KIF16B: variants seen among roughly 807,000 people sequenced by gnomAD.
The protein encoded by KIF16B is kinesin family member 16B.
In KIF16B, 98 loss-of-function variants were observed where a neutral mutation model predicts 156.3. The ratio of observed to expected loss-of-function variants is 0.63; its 90% CI spans 0.53 to 0.74. The LOEUF (loss-of-function observed/expected upper bound fraction) is 0.74, where lower values mean the gene tolerates loss of function less well. Ranked by LOEUF, KIF16B falls within the 30% of genes least tolerant of loss-of-function variation. KIF16B has a pLI of 0.00. For synonymous variants in KIF16B, 564 were observed against 583.7 expected, an observed-to-expected ratio of 0.97 and a Z score of 0.49; for missense variants, 1,421 against 1,606.5, an observed-to-expected ratio of 0.88 and a Z score of 1.97.
At chr20:16,405,921 T>C (rs1426957786) in intron 16 of KIF16B, among the ~76,000 whole-genome samples, 1 of 152,086 alleles carries the variant, frequency 6.6e-6, no homozygotes, top group Non-Finnish European at 1.5e-5. Context: ...AGACGTCCCC[T>C]TCCAACCAAA....
At chr20:16,448,766 G>A (rs551296244) in intron 12 of KIF16B, among the ~76,000 whole-genome samples, 61 of 152,216 alleles carry the variant, frequency 4.0e-4, no homozygotes, top group African/African-American at 1.3e-3. Context: ...GCAAAATAAA[G>A]GGAACAGCAT....
chr20:16,493,679 T>C (rs1189312140), intron 12 of KIF16B, among the ~76,000 whole-genome samples: 3 of 152,218 alleles, frequency 2.0e-5, no homozygotes, highest in African/African-American at 7.2e-5. Flanking sequence ...ACAGAGGTTG[T>C]CTGCCAACTC....
rs145861338 is a variant in KIF16B at position 16,436,165 on chromosome 20, G to A, written c.1303-6183C>T. 6.6e-5 allele frequency among the ~76,000 whole-genome samples: 10 copies of A among 151,962 alleles called. No homozygotes were observed. In the East Asian group the frequency reaches 1.5e-3, roughly 23 times the overall value. On this transcript the variant is annotated intron_variant, in intron 12 of 25. Coordinates refer to ENST00000354981, the MANE Select transcript of KIF16B (RefSeq NM_024704.5). Reference sequence around the variant, plus strand: ...TTTTTCATCTCGTATATGCTTAGGCGTATCTGTGCAAATATTCCATGTGCC... The same window carrying A: ...TTTTTCATCTCGTATATGCTTAGGCATATCTGTGCAAATATTCCATGTGCC...
chr20:16,565,798 G>A (rs949798937), intron 1 of KIF16B, among the ~76,000 whole-genome samples: 4 of 152,082 alleles, frequency 2.6e-5, no homozygotes, highest in African/African-American at 4.8e-5. Context: ...ACCCCAACCC[G>A]CGTAGGGCCA....
intron 19 of KIF16B, among the ~76,000 whole-genome samples, chr20:16,375,896 T>G (rs1442608709): frequency 1.3e-5 from 2 of 152,106 alleles, no homozygotes; most frequent in African/African-American, 4.8e-5. Flanking sequence ...CCTTCCCGTG[T>G]GGCAGATACA....
At chr20:16,560,757 C>G (rs1016588806) in intron 1 of KIF16B, among the ~76,000 whole-genome samples, 1 of 151,812 alleles carries the variant, frequency 6.6e-6, no homozygotes, top group Non-Finnish European at 1.5e-5. Flanking sequence ...TGCACTCAAG[C>G]CTGGGTGACA....
chr20:16,413,014 TCA>T (rs1469636899), intron 15 of KIF16B, among the ~76,000 whole-genome samples: 1 of 152,040 alleles, frequency 6.6e-6, no homozygotes, highest in Non-Finnish European at 1.5e-5. Context: ...TCTCCAGAAT[TCA>T]GTTTCCTCAT....
intron 17 of KIF16B, among the ~76,000 whole-genome samples, chr20:16,402,051 T>G (rs2065669354): frequency 6.6e-6 from 1 of 152,090 alleles, no homozygotes; most frequent in South Asian, 2.1e-4. Context: ...CCTCCCTCAC[T>G]TGTACCACTC....
chr20:16,536,133 C>T (rs76415385), intron 1 of KIF16B, among the ~76,000 whole-genome samples: 2,062 of 152,240 alleles, frequency 0.014, 45 homozygotes, highest in African/African-American at 0.046. Context: ...AGTATATACA[C>T]ACACTATGGA....
intron 22 of KIF16B, among the ~76,000 whole-genome samples, chr20:16,362,734 T>C (rs962404257): frequency 6.6e-6 from 1 of 152,166 alleles, no homozygotes; most frequent in African/African-American, 2.4e-5. Flanking sequence ...GAAATGGAGT[T>C]CCACGTGAAT....
chr20:16,323,486 G>A (rs370164437), intron 24 of KIF16B, among the ~76,000 whole-genome samples: 1 of 152,108 alleles, frequency 6.6e-6, no homozygotes, highest in East Asian at 1.9e-4. Context: ...GGCCTTATAA[G>A]AAGAGCTGTC....
rs184320742 is a variant in KIF16B, at chr20:16,443,890, A to T, written c.1303-13908T>A. 1.2e-3 allele frequency among the ~76,000 whole-genome samples: 188 copies of T among 152,386 alleles called. 2 individuals are homozygous for T. The highest frequency in any genetic ancestry group is 9.0e-3 in the Admixed American group (138 of 15,300). Reference sequence around the variant, plus strand: ...GCTAAGGTTATAGAACTTGTCAAGGAAATGTGAAGTTCAAGATACAAAATA... The same window carrying T: ...GCTAAGGTTATAGAACTTGTCAAGGTAATGTGAAGTTCAAGATACAAAATA... On this transcript the variant is annotated intron_variant, in intron 12 of 25. Coordinates refer to ENST00000354981, the MANE Select transcript of KIF16B (RefSeq NM_024704.5).
At chr20:16,359,720 C>T (rs940375347) in intron 22 of KIF16B, among the ~76,000 whole-genome samples, 8 of 151,210 alleles carry the variant, frequency 5.3e-5, no homozygotes, top group South Asian at 2.1e-4. Context: ...GAGTAAGGAC[C>T]AGGTATTTGA....
chr20:16,364,407 T>C (rs537661425), intron 22 of KIF16B, among the ~76,000 whole-genome samples: 8 of 152,322 alleles, frequency 5.3e-5, no homozygotes, highest in African/African-American at 1.2e-4. Flanking sequence ...CCAAGATGTA[T>C]GCGTCTATTT....
At chr20:16,343,601 T>G (rs189958223) in intron 23 of KIF16B, among the ~76,000 whole-genome samples, 1 of 152,342 alleles carries the variant, frequency 6.6e-6, no homozygotes, top group Non-Finnish European at 1.5e-5. Flanking sequence ...TTCTGTCTGA[T>G]TTTTGCAAAA....
intron 22 of KIF16B, among the ~76,000 whole-genome samples, chr20:16,358,374 C>T (rs184407579): frequency 9.5e-4 from 145 of 152,200 alleles, no homozygotes; most frequent in Admixed American, 5.6e-3. Flanking sequence ...AAAGTGTGGA[C>T]GACAGTATCC....
At chr20:16,491,678 C>T (rs2068296370) in intron 12 of KIF16B, among the ~76,000 whole-genome samples, 1 of 152,144 alleles carries the variant, frequency 6.6e-6, no homozygotes, top group Non-Finnish European at 1.5e-5. Context: ...TGAAGACTAA[C>T]ATCCAAGTTC....
chr20:16,524,343 C>A (rs1167164814), intron 3 of KIF16B, among the ~76,000 whole-genome samples: 1 of 152,048 alleles, frequency 6.6e-6, no homozygotes, highest in East Asian at 1.9e-4. Flanking sequence ...AAACAAACAA[C>A]CCCATCAAAA....
intron 23 of KIF16B, among the ~76,000 whole-genome samples, chr20:16,345,487 C>T (rs1417358492): frequency 6.6e-6 from 1 of 152,196 alleles, no homozygotes; most frequent in Non-Finnish European, 1.5e-5. Context: ...TTACCTGTAA[C>T]TGTTTAAAGG....
Sources: gnomAD v4.1 joint callset for allele counts (sites outside exome capture counted in the v4.1 genomes callset) on GRCh38, gnomAD v4.1.1 for gene constraint, MANE v1.5 for transcripts, NCBI Gene and HGNC (gene_info 2026-07-23, HGNC 2026-07-21) for gene names.